SCN2A: variants seen among roughly 807,000 people sequenced by gnomAD.
SCN2A encodes sodium channel protein type 2 subunit alpha.
Under a neutral mutation model 188.7 loss-of-function variants are expected in SCN2A, and 20 were observed. The ratio of observed to expected loss-of-function variants is 0.11; its 90% confidence interval spans 0.07 to 0.15. The LOEUF (loss-of-function observed/expected upper bound fraction) is 0.15, where lower values mean the gene tolerates loss of function less well. Among genes scored for constraint, SCN2A ranks in the 10% least tolerant of loss-of-function variants. The pLI, the probability that SCN2A is intolerant of heterozygous loss-of-function variation, is 1.00. For synonymous variants in SCN2A, 804 were observed against 833.1 expected (o/e 0.97, Z 0.60); for missense variants, 1,278 against 2,445.0 (o/e 0.52, Z 10.07).
chr2:165,342,111 A>C (rs976475987), intron 14 of SCN2A, among the ~76,000 whole-genome samples, 185 bp from the exon 15 acceptor site: 1 of 152,244 alleles, frequency 6.6e-6, no homozygotes, highest in Non-Finnish European at 1.5e-5. Flanking sequence ...TTTGATAAAC[A>C]TTATATATAG....
intron 3 of SCN2A, among the ~76,000 whole-genome samples, chr2:165,307,390 C>T (rs1478838952): frequency 6.6e-6 from 1 of 152,064 alleles, no homozygotes; most frequent in Non-Finnish European, 1.5e-5. Flanking sequence ...ATTATACCCT[C>T]TGTTTAGAAA....
chr2:165,333,446 A>C (rs192259320), intron 14 of SCN2A, among the ~76,000 whole-genome samples: 1 of 152,092 alleles, frequency 6.6e-6, no homozygotes, highest in East Asian at 1.9e-4. Flanking sequence ...AAAATAATAC[A>C]GAATATTTTT....
At chr2:165,331,269 C>G in intron 13 of SCN2A, 61 bp from the exon 14 acceptor site, 1 of 1,282,314 alleles carries the variant, frequency 7.8e-7, no homozygotes, top group Non-Finnish European at 1.1e-6. Context: ...TTAATTTAAA[C>G]CAAATCTGCT....
At position 165,250,140 on chromosome 2, in the gene SCN2A, G is replaced by T. The variant is rs1230906065; in HGVS notation, c.-52+10500G>T. On this transcript the variant is annotated intron_variant, in intron 1 of 26. Transcript: ENST00000375437. The stretch of plus-strand genomic sequence containing the variant: ...CATATTTAATTGTGTACTATATAAG[G>T]ACAGATATTGTTTTGTATGGTTCTA... 8.6e-5 allele frequency among the ~76,000 whole-genome samples: 13 copies of T among 152,020 alleles called. No individual in the cohort carries two copies. In the East Asian group the frequency reaches 2.5e-3, roughly 29 times the overall value.
At chr2:165,335,186 T>C (rs1698919595) in intron 14 of SCN2A, among the ~76,000 whole-genome samples, 1 of 146,972 alleles carries the variant, frequency 6.8e-6, no homozygotes, top group Non-Finnish European at 1.5e-5. Flanking sequence ...ACTCACCAAA[T>C]TAATCTACAA....
At chr2:165,309,105 A>G in intron 5 of SCN2A, 1 of 1,561,380 alleles carries the variant, frequency 6.4e-7, no homozygotes, top group Non-Finnish European at 8.8e-7. Context: ...GGTCTTGATG[A>G]AAGACCAAGG....
chr2:165,317,678 T>C (rs1276652392), intron 11 of SCN2A, among the ~76,000 whole-genome samples: 1 of 152,168 alleles, frequency 6.6e-6, no homozygotes, highest in Non-Finnish European at 1.5e-5. Flanking sequence ...ATAGATATGA[T>C]ATTCTCCCAG....
intron 1 of SCN2A, among the ~76,000 whole-genome samples, chr2:165,279,003 G>T (rs979127125): frequency 6.6e-6 from 1 of 151,616 alleles, no homozygotes; most frequent in African/African-American, 2.4e-5. Flanking sequence ...AGGAAGGAAT[G>T]AAGGAAGGAA....
intron 22 of SCN2A, among the ~76,000 whole-genome samples, chr2:165,376,923 T>C (rs551242987): frequency 7.4e-6 from 1 of 134,612 alleles, no homozygotes; most frequent in East Asian, 2.5e-4. Context: ...CTCAAGACTA[T>C]TAAAATAGTC....
At position 165,310,448 on chromosome 2, in the gene SCN2A, C is replaced by A. The variant is rs181327458; in HGVS notation, c.823C>A (p.Arg275=). The A allele has an allele frequency of 1.9e-6, 3 of 1,613,436 alleles. No individual in the cohort carries two copies. Among genetic ancestry groups the A allele is most frequent in the Non-Finnish European group, 2.5e-6 (3 of 1,179,654 alleles). The part of the protein sequence containing the change: ...IGLQLFMGNL[R]NKCLQWPPDN... ...ATTGCAGTTGTTCATGGGCAACCTA[C>A]GAAATAAATGTTTGCAATGGCCTCC... The change falls in exon 7 of 27, where the codon CGA becomes AGA. Residue 275 remains arginine, a synonymous_variant. Coordinates refer to ENST00000375437, the MANE Select transcript of SCN2A (RefSeq NM_001040142.2).
At position 165,314,116 on chromosome 2, in the gene SCN2A, G is replaced by A. The variant is rs1217992020; in HGVS notation, c.1383+8G>A. 2.5e-6 allele frequency: 4 copies of A among 1,612,346 alleles called. No individual in the cohort carries two copies. Among genetic ancestry groups the A allele is most frequent in the East Asian group, 2.2e-5 (1 of 44,832 alleles). On this transcript the variant is annotated splice_region_variant and intron_variant, in intron 10 of 26. Transcript: ENST00000375437. ...CAACAAGAAGAAGCTCAGGTATAGT[G>A]AACAAGCATACGGTCCTTTGTTTTT...
chr2:165,325,252 G>A (rs370497615), intron 12 of SCN2A, among the ~76,000 whole-genome samples: 4 of 152,104 alleles, frequency 2.6e-5, no homozygotes, highest in Non-Finnish European at 5.9e-5. Context: ...GGGACAAATC[G>A]CTGAAGGCAA....
Position 165,386,177 on chromosome 2 carries a change from G to A in SCN2A, c.4552-569G>A, listed in dbSNP as rs564723002. On this transcript the variant is annotated intron_variant, in intron 25 of 26. Coordinates refer to ENST00000375437, the MANE Select transcript of SCN2A (RefSeq NM_001040142.2). Reference sequence around the variant, plus strand: ...GCTATGAGGTAGCATTAAGAGATAAGATTTGAGGCTGGGCATGGTGGCTCA... The same window carrying A: ...GCTATGAGGTAGCATTAAGAGATAAAATTTGAGGCTGGGCATGGTGGCTCA... Among the ~76,000 whole-genome samples the A allele has an allele frequency of 2.0e-5, 3 of 152,122 alleles. No individual in the cohort carries two copies. In the South Asian group the frequency reaches 6.2e-4, roughly 32 times the overall value.
chr2:165,342,426 T>C lies in SCN2A; in HGVS notation c.2519T>C (p.Leu840Ser). ...AGCCTTAGTTTAATGGAACTTGGTT[T>C]GGCAAATGTGGAAGGATTGTCAGTT... The part of the protein sequence containing the change: ...IVSLSLMELG[L>S]ANVEGLSVLR... The change falls in exon 15 of 27, where the codon TTG becomes TCG. Residue 840 changes from leucine (L) to serine (S), a missense_variant. Transcript: ENST00000375437. 6.2e-7 allele frequency: 1 copy of C among 1,614,122 alleles called. No individual in the cohort carries two copies. The highest frequency in any genetic ancestry group is 1.1e-5 in the South Asian group (1 of 91,086).
At chr2:165,284,642 G>GA (rs1258929155) in intron 1 of SCN2A, among the ~76,000 whole-genome samples, 1 of 152,114 alleles carries the variant, frequency 6.6e-6, no homozygotes, top group Non-Finnish European at 1.5e-5. Flanking sequence ...AGTCTTTGAT[G>GA]AAAAGAAGAA....
chr2:165,297,605 G>A (rs1305740562), intron 3 of SCN2A, among the ~76,000 whole-genome samples: 1 of 152,176 alleles, frequency 6.6e-6, no homozygotes, highest in Non-Finnish European at 1.5e-5. Context: ...GCATTTAAAA[G>A]CTTTGAGTTA....
intron 25 of SCN2A, among the ~76,000 whole-genome samples, chr2:165,386,040 T>C (rs1558883361): frequency 6.6e-6 from 1 of 152,166 alleles, no homozygotes; most frequent in Non-Finnish European, 1.5e-5. Context: ...CAGTTGAATA[T>C]ACAATATACA....
intron 1 of SCN2A, among the ~76,000 whole-genome samples, chr2:165,266,126 G>A (rs1039742818): frequency 4.0e-5 from 6 of 151,848 alleles, no homozygotes; most frequent in Non-Finnish European, 7.4e-5. Flanking sequence ...AATGAACTAC[G>A]GAAATATTAA....
chr2:165,327,020 C>T, intron 13 of SCN2A, 36 bp downstream of exon 13: 1 of 1,612,570 alleles, frequency 6.2e-7, no homozygotes, highest in Non-Finnish European at 8.5e-7. Context: ...TTACTTGGTG[C>T]TTTGGTAATG....
Sources: gnomAD v4.1 joint callset for allele counts (sites outside exome capture counted in the v4.1 genomes callset) on GRCh38, gnomAD v4.1.1 for gene constraint, MANE v1.5 for transcripts, NCBI Gene and HGNC (gene_info 2026-07-23, HGNC 2026-07-21) for gene names.